Variants in MICU1 observed in about 807,000 individuals in gnomAD.
MICU1 encodes the protein calcium uptake protein 1, mitochondrial.
A neutral mutation model predicts 56.8 loss-of-function variants in MICU1; 45 were observed. That is an observed-to-expected ratio of 0.79 (90% confidence interval 0.62 to 1.02). MICU1 has a LOEUF of 1.02. Among genes scored for constraint, MICU1 ranks in the 50% least tolerant of loss-of-function variants. The pLI is 0.00. For synonymous variants in MICU1, 186 were observed against 195.1 expected (o/e 0.95, Z 0.39); for missense variants, 504 against 587.1 (o/e 0.86, Z 1.46).
At chr10:72,376,791 G>C (rs1261445659) in intron 10 of MICU1, among the ~76,000 whole-genome samples, 1 of 151,942 alleles carries the variant, frequency 6.6e-6, no homozygotes, top group East Asian at 1.9e-4. Context: ...GATGATGGTT[G>C]TACAACATTG....
At chr10:72,569,238 T>TATATATATATATATA (rs1554890955) in intron 1 of MICU1, among the ~76,000 whole-genome samples, 2 of 29,780 alleles carry the variant, frequency 6.7e-5, no homozygotes, top group African/African-American at 2.1e-4. Context: ...TATATATATA[T>TATATATATATATATA]TTTTTTTTTT....
At chr10:72,561,671 G>A (rs548800564) in intron 3 of MICU1, among the ~76,000 whole-genome samples, 1 of 152,180 alleles carries the variant, frequency 6.6e-6, no homozygotes, top group African/African-American at 2.4e-5. Flanking sequence ...AATTAGCGGG[G>A]CATGGTGGTG....
intron 6 of MICU1, among the ~76,000 whole-genome samples, chr10:72,489,304 AC>A (rs1866576299): frequency 2.1e-5 from 3 of 140,752 alleles, no homozygotes; most frequent in South Asian, 2.3e-4. Context: ...ACACACACAC[AC>A]ACACACACAC....
chr10:72,572,185 G>A (rs748904022), intron 1 of MICU1, among the ~76,000 whole-genome samples: 4 of 152,092 alleles, frequency 2.6e-5, no homozygotes, highest in Non-Finnish European at 5.9e-5. Flanking sequence ...TGAGCTTAGG[G>A]TTCCTTTTAT....
At chr10:72,589,151 T>C (rs1342189400) in intron 1 of MICU1, among the ~76,000 whole-genome samples, 1 of 151,826 alleles carries the variant, frequency 6.6e-6, no homozygotes, top group East Asian at 1.9e-4. Context: ...TAGCTGGGCG[T>C]GGTGGCAGGC....
At chr10:72,521,357 G>A (rs184285815) in intron 5 of MICU1, among the ~76,000 whole-genome samples, 119 of 152,030 alleles carry the variant, frequency 7.8e-4, no homozygotes, top group African/African-American at 2.7e-3. Flanking sequence ...TATCCCTTAA[G>A]CACCAATGAC....
intron 10 of MICU1, among the ~76,000 whole-genome samples, chr10:72,387,125 T>A (rs1862917023): frequency 6.6e-6 from 1 of 152,188 alleles, no homozygotes; most frequent in Admixed American, 6.5e-5. Context: ...TGGAAATAAT[T>A]TTAGGCTATG....
At chr10:72,379,700 A>G in intron 10 of MICU1, 1 of 256,908 alleles carries the variant, frequency 3.9e-6, no homozygotes, top group Non-Finnish European at 8.1e-6. Context: ...GGACTTCTGG[A>G]GGCCTCCAGC....
intron 10 of MICU1, among the ~76,000 whole-genome samples, chr10:72,391,380 C>T (rs937135049): frequency 6.6e-5 from 10 of 151,820 alleles, no homozygotes; most frequent in Non-Finnish European, 1.0e-4. Flanking sequence ...TGCAGTGAGT[C>T]GAGATCATGC....
At chr10:72,545,289 A>G (rs1327860339) in intron 4 of MICU1, among the ~76,000 whole-genome samples, 1 of 152,198 alleles carries the variant, frequency 6.6e-6, no homozygotes, top group Non-Finnish European at 1.5e-5. Context: ...ACTCCATAAA[A>G]TATTTGAAGA....
chr10:72,384,667 A>G (rs965392076), intron 10 of MICU1, among the ~76,000 whole-genome samples: 6 of 152,200 alleles, frequency 3.9e-5, no homozygotes, highest in African/African-American at 1.2e-4. Context: ...TTGCTAAGTG[A>G]CTTTAAATTT....
intron 10 of MICU1, among the ~76,000 whole-genome samples, chr10:72,383,346 C>T (rs1034083068): frequency 1.3e-5 from 2 of 152,088 alleles, no homozygotes; most frequent in Non-Finnish European, 2.9e-5. Flanking sequence ...CAACCTTATA[C>T]CCCAGTCACC....
At chr10:72,492,323 C>G (rs146329348) in intron 6 of MICU1, among the ~76,000 whole-genome samples, 1 of 151,860 alleles carries the variant, frequency 6.6e-6, no homozygotes. Flanking sequence ...CGGGAGGGTA[C>G]GGAAATAATC....
chr10:72,459,920 C>A (rs1436101600), intron 8 of MICU1, among the ~76,000 whole-genome samples: 1 of 152,186 alleles, frequency 6.6e-6, no homozygotes, highest in Non-Finnish European at 1.5e-5. Context: ...CTCTTTCATA[C>A]CAATTGCCAA....
At chr10:72,618,227 T>C (rs974633057) in intron 1 of MICU1, among the ~76,000 whole-genome samples, 1 of 152,088 alleles carries the variant, frequency 6.6e-6, no homozygotes, top group African/African-American at 2.4e-5. Flanking sequence ...GGCAGGTTTC[T>C]CTGATCACAA....
At chr10:72,407,004 C>T (rs777728292) in intron 10 of MICU1, among the ~76,000 whole-genome samples, 2 of 152,130 alleles carry the variant, frequency 1.3e-5, no homozygotes, top group Non-Finnish European at 2.9e-5. Flanking sequence ...ATCTCAAAAA[C>T]ATTGAGTGAA....
At chr10:72,468,224 A>G (rs961555178) in intron 8 of MICU1, among the ~76,000 whole-genome samples, 2 of 151,898 alleles carry the variant, frequency 1.3e-5, no homozygotes, top group Non-Finnish European at 2.9e-5. Flanking sequence ...TCTATTAGAT[A>G]ATACCTTTTC....
intron 5 of MICU1, among the ~76,000 whole-genome samples, chr10:72,519,984 C>A (rs1257944262): frequency 6.6e-6 from 1 of 151,964 alleles, no homozygotes; most frequent in Non-Finnish European, 1.5e-5. Flanking sequence ...GGGATGAAAT[C>A]CTTGGGTTAT....
rs185129356 is a variant in MICU1 at position 72,448,935 on chromosome 10, G to A, written c.934-25564C>T. Among the ~76,000 whole-genome samples, 8 of 152,188 alleles carry A rather than the reference G, an allele frequency of 5.3e-5. No homozygotes were observed. In the East Asian group the frequency reaches 1.2e-3, roughly 22 times the overall value. ...CTAGACAATTAAGCTTTGTTTGTTC[G>A]TTTTGTTTTGGTTGTTTTAGATAGG... is the stretch of plus-strand genomic sequence containing the variant. On this transcript the variant is annotated intron_variant, in intron 8 of 11. Transcript: ENST00000361114.
Sources: gnomAD v4.1 joint callset for allele counts (sites outside exome capture counted in the v4.1 genomes callset) on GRCh38, gnomAD v4.1.1 for gene constraint, MANE v1.5 for transcripts, NCBI Gene and HGNC (gene_info 2026-07-23, HGNC 2026-07-21) for gene names.